Variants in POMGNT2 observed in about 807,000 individuals in gnomAD.
POMGNT2 encodes the protein protein O-linked-mannose beta-1,4-N-acetylglucosaminyltransferase 2.
In POMGNT2, 32 loss-of-function variants were observed where a neutral mutation model predicts 37.8. The ratio of observed to expected loss-of-function variants is 0.85; its 90% CI spans 0.64 to 1.14. The LOEUF (loss-of-function observed/expected upper bound fraction) is 1.14. Among genes scored for constraint, POMGNT2 ranks in the 50% most tolerant of loss-of-function variants. POMGNT2 has a pLI of 0.00. For missense variants in POMGNT2, 705 were observed against 780.6 expected (o/e 0.90, Z 1.15); for synonymous variants, 340 against 336.8 (o/e 1.01, Z -0.10).
rs1017220189 is a variant in POMGNT2, at chr3:43,079,849, T to C, written c.1583A>G (p.Glu528Gly). 6.2e-7 allele frequency: 1 copy of C among 1,614,182 alleles called. No homozygotes were observed. The highest frequency in any genetic ancestry group is 8.5e-7 in the Non-Finnish European group (1 of 1,180,018). ...AGGCACGTAGGTGTTCTCCCCCTGCTCCTGCAGCCACACCTCGTACTTCAC... is the reference window on the plus strand; with the variant it reads ...AGGCACGTAGGTGTTCTCCCCCTGCCCCTGCAGCCACACCTCGTACTTCAC... Reference protein sequence around the residue: ...REVKYEVWLQEQGENTYVPYI... With the variant: ...REVKYEVWLQGQGENTYVPYI... The change falls in exon 2 of 2, where the codon GAG (glutamate) becomes GGG (glycine). Residue 528 changes from glutamate (E) to glycine (G), a missense_variant. Physicochemically the swap from Glu to Gly is moderately conservative, Grantham distance 98. Coordinates refer to ENST00000344697, the MANE Select transcript of POMGNT2 (RefSeq NM_032806.6).
At position 43,098,806 on chromosome 3, in the gene POMGNT2, T is replaced by C. The variant is rs1215090307; in HGVS notation, c.-106+7030A>G. On this transcript the variant is annotated intron_variant, in intron 1 of 1. Coordinates refer to ENST00000344697, the MANE Select transcript of POMGNT2 (RefSeq NM_032806.6). This position sits in a 1 kb window ranked among gnomAD's most constrained non-coding sequence, Gnocchi z 4.3. ...TGAGAAGGGTGATGTCAGTCTTTGC[T>C]GAGGATAAACCAAGGCTTGAGTGTG... Among the ~76,000 whole-genome samples the C allele has an allele frequency of 1.3e-5, 2 of 152,228 alleles. No homozygotes were observed. Among genetic ancestry groups the C allele is most frequent in the African/African-American group, 4.8e-5 (2 of 41,466 alleles).
chr3:43,105,157 G>A (rs1027130322), intron 1 of POMGNT2, among the ~76,000 whole-genome samples: 1 of 152,202 alleles, frequency 6.6e-6, no homozygotes, highest in Non-Finnish European at 1.5e-5. Flanking sequence ...GCAAGACTCT[G>A]GCCTGACGGT....
intron 1 of POMGNT2, chr3:43,090,579 A>G (rs537643086): frequency 6.6e-6 from 1 of 152,270 alleles, no homozygotes; most frequent in South Asian, 2.1e-4. Flanking sequence ...CCGACATCTG[A>G]TCTCTAGGAG....
chr3:43,080,793 C>G lies in POMGNT2; in HGVS notation c.639G>C (p.Gln213His), dbSNP rs2089844849. ...TCTTCAGCTGTGCCCGCAGGAGAGGCTGCTTGGGGCTGAGCAGCTTGTAGA... is the reference window on the plus strand; with the variant it reads ...TCTTCAGCTGTGCCCGCAGGAGAGGGTGCTTGGGGCTGAGCAGCTTGTAGA... ...FDLYKLLSPK[Q>H]PLLRAQLKTL... The change falls in exon 2 of 2, where the codon CAG (glutamine) becomes CAC (histidine). Residue 213 changes from glutamine (Q) to histidine (H), a missense_variant. By Grantham distance (24) the Gln-to-His change is conservative. Coordinates refer to ENST00000344697, the MANE Select transcript of POMGNT2 (RefSeq NM_032806.6). 3 of 1,614,046 alleles carry G rather than the reference C, an allele frequency of 1.9e-6. No individual in the cohort carries two copies. The highest frequency in any genetic ancestry group is 1.7e-6 in the Non-Finnish European group (2 of 1,180,010).
rs534191458 is a variant in POMGNT2, at chr3:43,098,840, C to T, written c.-106+6996G>A. The stretch of plus-strand genomic sequence containing the variant: ...ACCAAGGCTTGAGTGTGGGGCAGGA[C>T]GTTCGGCCTTCCACCAGCTCATATG... On this transcript the variant is annotated intron_variant, in intron 1 of 1. Transcript: ENST00000344697. This position sits in a 1 kb window ranked among gnomAD's most constrained non-coding sequence, Gnocchi z 4.3. Among the ~76,000 whole-genome samples the T allele has an allele frequency of 6.4e-4, 98 of 152,168 alleles. No individual in the cohort carries two copies. Among genetic ancestry groups the T allele is most frequent in the Non-Finnish European group, 1.1e-3 (73 of 68,036 alleles).
Position 43,081,273 on chromosome 3 carries a change from G to A in POMGNT2, c.159C>T (p.Tyr53=). ...CCATCAGGATCTGCAGTGCCTTCGG[G>A]TAGTCGATCCTCAGTGCTGGGGCTG... The part of the protein sequence containing the change: ...TEPAPALRID[Y]PKALQILMEG... The change falls in exon 2 of 2, where the codon TAC becomes TAT. Residue 53 remains tyrosine (Y), a synonymous_variant. Coordinates refer to ENST00000344697, the MANE Select transcript of POMGNT2 (RefSeq NM_032806.6). 6.2e-7 allele frequency: 1 copy of A among 1,613,452 alleles called. No homozygotes were observed. Among genetic ancestry groups the A allele is most frequent in the Non-Finnish European group, 8.5e-7 (1 of 1,180,028 alleles).
At chr3:43,104,763 TTGCC>T (rs2090045066) in intron 1 of POMGNT2, among the ~76,000 whole-genome samples, 1 of 152,210 alleles carries the variant, frequency 6.6e-6, no homozygotes, top group South Asian at 2.1e-4. Context: ...CTGCTGATAT[TTGCC>T]ACACACTTAC....
chr3:43,084,461 T>C (rs2089880022), intron 1 of POMGNT2, among the ~76,000 whole-genome samples: 2 of 152,032 alleles, frequency 1.3e-5, no homozygotes, highest in Admixed American at 1.3e-4. Flanking sequence ...CTGGCTAACA[T>C]GGTGAAACCC....
chr3:43,091,559 T>C (rs180739327), intron 1 of POMGNT2, among the ~76,000 whole-genome samples: 1 of 152,320 alleles, frequency 6.6e-6, no homozygotes. Flanking sequence ...GATCTGCTGA[T>C]AGATACTAAA....
At position 43,079,728 on chromosome 3, in the gene POMGNT2, G is replaced by A; in HGVS notation, c.1704C>T (p.Leu568=). ...VWVRCIFNKI[L]LGPFADVLVC... The stretch of plus-strand genomic sequence containing the variant: ...CCAGCACATCTGCAAAGGGTCCCAG[G>A]AGGATCTTGTTGAAGATGCAGCGGA... Residue 568 remains leucine (L), a synonymous_variant, in exon 2 of 2, where the codon CTC becomes CTT. Transcript: ENST00000344697. 1 of 1,614,144 alleles carries A rather than the reference G, an allele frequency of 6.2e-7. No individual in the cohort carries two copies. Among genetic ancestry groups the A allele is most frequent in the Non-Finnish European group, 8.5e-7 (1 of 1,180,018 alleles).
intron 1 of POMGNT2, among the ~76,000 whole-genome samples, chr3:43,082,335 C>T (rs899756177): frequency 6.6e-6 from 1 of 152,188 alleles, no homozygotes. Context: ...AAGCTTTGCT[C>T]CTGCTTAAAG....
chr3:43,104,255 G>T (rs2090040542), intron 1 of POMGNT2, among the ~76,000 whole-genome samples: 1 of 152,134 alleles, frequency 6.6e-6, no homozygotes, highest in South Asian at 2.1e-4. Flanking sequence ...AAGAAACCCT[G>T]GGAATCACGT....
At position 43,081,041 on chromosome 3, in the gene POMGNT2, T is replaced by C; in HGVS notation, c.391A>G (p.Asn131Asp). 1 of 1,614,150 alleles carries C rather than the reference T, an allele frequency of 6.2e-7. No homozygotes were observed. Among genetic ancestry groups the C allele is most frequent in the Non-Finnish European group, 8.5e-7 (1 of 1,180,022 alleles). The change falls in exon 2 of 2, where the codon AAC becomes GAC. Residue 131 changes from asparagine (N) to aspartate (D), a missense_variant. Coordinates refer to ENST00000344697, the MANE Select transcript of POMGNT2 (RefSeq NM_032806.6). ...TVEDHNTQYF[N>D]FVELPAAALR... is the part of the protein sequence containing the mutation. ...GCAGCAGCAGGCAGCTCCACGAAGT[T>C]GAAGTACTGAGTGTTGTGGTCCTCC...
chr3:43,099,579 C>T (rs946412348), intron 1 of POMGNT2, among the ~76,000 whole-genome samples: 8 of 152,072 alleles, frequency 5.3e-5, no homozygotes, highest in Admixed American at 5.2e-4. Flanking sequence ...AGGTAAAGGT[C>T]GGGGAGCCCA....
chr3:43,085,009 T>G (rs1031248658), intron 1 of POMGNT2, among the ~76,000 whole-genome samples: 1 of 151,732 alleles, frequency 6.6e-6, no homozygotes, highest in African/African-American at 2.4e-5. Context: ...GAGCATTGAC[T>G]CTTTACTGTT....
rs2089852715 is a variant in POMGNT2, at chr3:43,081,262, A to C, written c.170T>G (p.Leu57Arg). Residue 57 changes from leucine to arginine, a missense_variant, in exon 2 of 2, where the codon CTG (leucine) becomes CGG (arginine). Transcript: ENST00000344697. Reference sequence around the variant, plus strand: ...TGTGCCGCCCTCCATCAGGATCTGCAGTGCCTTCGGGTAGTCGATCCTCAG... The same window carrying C: ...TGTGCCGCCCTCCATCAGGATCTGCCGTGCCTTCGGGTAGTCGATCCTCAG... ...PALRIDYPKA[L>R]QILMEGGTHM... 6.2e-7 allele frequency: 1 copy of C among 1,613,702 alleles called. No individual in the cohort carries two copies. The highest frequency in any genetic ancestry group is 8.5e-7 in the Non-Finnish European group (1 of 1,180,004).
chr3:43,101,100 T>G (rs552790216), intron 1 of POMGNT2, among the ~76,000 whole-genome samples: 1 of 151,858 alleles, frequency 6.6e-6, no homozygotes, highest in Non-Finnish European at 1.5e-5. Flanking sequence ...TCCTGAGGAG[T>G]GGATGCAACC....
chr3:43,090,155 A>G (rs921028672), intron 1 of POMGNT2, among the ~76,000 whole-genome samples: 2 of 151,182 alleles, frequency 1.3e-5, no homozygotes, highest in African/African-American at 2.4e-5. Flanking sequence ...ATAAAGAGAA[A>G]CTCTCTCATG....
In POMGNT2 at chr3:43,081,146, A is replaced by C. The variant is rs140047437; in HGVS notation, c.286T>G (p.Phe96Val). ...AGCATGACAGAGGTGTTGCCATGGA[A>C]GAAGATGAACTCCTCAGCCTCGTTG... Reference protein sequence around the residue: ...YSNEAEEFIFFHGNTSVMLPN... With the variant: ...YSNEAEEFIFVHGNTSVMLPN... Residue 96 changes from phenylalanine to valine, a missense_variant, in exon 2 of 2, where the codon TTC (phenylalanine) becomes GTC (valine). Phe to Val is a conservative substitution (Grantham distance 50). Transcript: ENST00000344697. 2.5e-5 allele frequency: 41 copies of C among 1,614,028 alleles called. No individual in the cohort carries two copies. The highest frequency in any genetic ancestry group is 6.7e-5 in the Admixed American group (4 of 60,010).
Sources: gnomAD v4.1 joint callset for allele counts (sites outside exome capture counted in the v4.1 genomes callset) on GRCh38, gnomAD v4.1.1 for gene constraint, Gnocchi (gnomAD v3.1) non-coding constraint, MANE v1.5 for transcripts, NCBI Gene and HGNC (gene_info 2026-07-23, HGNC 2026-07-21) for gene names.